Variants in IL1R1 observed in about 807,000 individuals in gnomAD.
IL1R1 encodes interleukin 1 receptor type 1, also known as interleukin-1 receptor type 1.
A neutral mutation model predicts 50.2 loss-of-function variants in IL1R1; 22 were observed. The observed-to-expected ratio is 0.44, with a 90% CI of 0.31 to 0.63. IL1R1 has a LOEUF of 0.63. Among genes scored for constraint, IL1R1 ranks in the 20% least tolerant of loss-of-function variants. The pLI is 0.07. For missense variants in IL1R1, 509 were observed against 676.2 expected (o/e 0.75, Z 2.74); for synonymous variants, 251 against 236.7 (o/e 1.06, Z -0.55).
chr2:102,172,929 A>G lies in IL1R1; in HGVS notation c.991+91A>G, dbSNP rs1685813845. 17 of 848,690 alleles carry G rather than the reference A, an allele frequency of 2.0e-5. No individual in the cohort carries two copies. The South Asian group carries it at 2.9e-4, about 15-fold the overall frequency. The allele number at this position is 848,690 out of a possible 1,614,324, so 52.6% of individuals were successfully genotyped here. A position where few individuals can be genotyped will look rare whatever the true frequency, so the allele number is the denominator to read the frequency against. On this transcript the variant is annotated intron_variant, in intron 9 of 11. Transcript: ENST00000410023. ...TTGAAATGCCATTTCCTCTGCTTAGAACACGCTTCACTTCCTCATTACTTG... is the reference window on the plus strand; with the variant it reads ...TTGAAATGCCATTTCCTCTGCTTAGGACACGCTTCACTTCCTCATTACTTG...
rs777850951 is a variant in IL1R1, at chr2:102,174,676, A to G, written c.1081A>G (p.Ile361Val). 30 of 1,612,432 alleles carry G rather than the reference A, an allele frequency of 1.9e-5. 1 individual carries two copies. Among genetic ancestry groups the G allele is most frequent in the Middle Eastern group, 3.3e-4 (2 of 6,070 alleles). The change falls in exon 10 of 12, where the codon ATT becomes GTT. Residue 361 changes from isoleucine (I) to valine (V), a missense_variant. By Grantham distance (29) the Ile-to-Val change is conservative. Transcript: ENST00000410023. Reference sequence around the variant, plus strand: ...TGTTTTCATCTATAAAATCTTCAAGATTGACATTGTGCTTTGGTACAGGGA... The same window carrying G: ...TGTTTTCATCTATAAAATCTTCAAGGTTGACATTGTGCTTTGGTACAGGGA... ...CSVFIYKIFKIDIVLWYRDSC... is the reference protein window; with the variant it reads ...CSVFIYKIFKVDIVLWYRDSC...
At chr2:102,171,118 G>A (rs1034301892) in intron 7 of IL1R1, among the ~76,000 whole-genome samples, 4 of 152,174 alleles carry the variant, frequency 2.6e-5, no homozygotes, top group Non-Finnish European at 5.9e-5. Flanking sequence ...TAAAAAGGAA[G>A]GCCGATGAGC....
At position 102,171,892 on chromosome 2, in the gene IL1R1, C is replaced by T. The variant is rs753475335; in HGVS notation, c.813C>T (p.Asp271=). 1.2e-6 allele frequency: 2 copies of T among 1,600,158 alleles called. No homozygotes were observed. The highest frequency in any genetic ancestry group is 1.7e-6 in the Non-Finnish European group (2 of 1,168,926). Residue 271 remains aspartate, a synonymous_variant, in exon 8 of 12, where the codon GAC becomes GAT. Coordinates refer to ENST00000410023, the MANE Select transcript of IL1R1 (RefSeq NM_000877.4). ...KWNGSVIDED[D]PVLGEDYYSV... ...ATGGGTCAGTAATTGATGAAGATGA[C>T]CCAGTGCTAGGGGAAGACTATTACA...
chr2:102,156,966 C>T (rs563978387), intron 2 of IL1R1, among the ~76,000 whole-genome samples: 5 of 152,168 alleles, frequency 3.3e-5, no homozygotes, highest in South Asian at 4.2e-4. Flanking sequence ...TTTAATCTCC[C>T]GTAAAAATTA....
chr2:102,092,922 G>A (rs1197873817), intron 1 of IL1R1, among the ~76,000 whole-genome samples: 1 of 152,094 alleles, frequency 6.6e-6, no homozygotes, highest in African/African-American at 2.4e-5. Flanking sequence ...GATGTACTTA[G>A]AGAAGAAAAC....
At chr2:102,161,805 T>G (rs1168566653) in intron 3 of IL1R1, among the ~76,000 whole-genome samples, 4 of 152,180 alleles carry the variant, frequency 2.6e-5, no homozygotes, top group Non-Finnish European at 5.9e-5. Context: ...GTTCAAGTGA[T>G]TCTTGTGCCT....
intron 1 of IL1R1, among the ~76,000 whole-genome samples, chr2:102,145,128 A>G (rs1683006364): frequency 6.6e-6 from 1 of 152,244 alleles, no homozygotes; most frequent in African/African-American, 2.4e-5. Context: ...CTTATGCTAC[A>G]TAATGGATAT....
chr2:102,108,324 G>A (rs1237194279), intron 1 of IL1R1, among the ~76,000 whole-genome samples: 1 of 151,882 alleles, frequency 6.6e-6, no homozygotes, highest in Non-Finnish European at 1.5e-5. Flanking sequence ...AGCAGTGCAT[G>A]GATACATTTT....
At chr2:102,168,731 A>C in intron 7 of IL1R1, 68 bp downstream of exon 7, 2 of 1,109,690 alleles carry the variant, frequency 1.8e-6, no homozygotes, top group Non-Finnish European at 2.7e-6. Context: ...AGTAAGATAA[A>C]TTGTATCTTT....
chr2:102,146,542 T>A (rs1222254031), intron 1 of IL1R1, among the ~76,000 whole-genome samples: 1 of 152,144 alleles, frequency 6.6e-6, no homozygotes, highest in Non-Finnish European at 1.5e-5. Context: ...CAGGTGAGTC[T>A]CAGTGGCCAT....
chr2:102,114,997 G>T (rs1321577555), intron 1 of IL1R1, among the ~76,000 whole-genome samples: 3 of 152,108 alleles, frequency 2.0e-5, no homozygotes, highest in Non-Finnish European at 4.4e-5. Flanking sequence ...ATACAAATAG[G>T]GGAAATGTCT....
In IL1R1 at chr2:102,172,816, A is replaced by G. The variant is rs372480329; in HGVS notation, c.969A>G (p.Ala323=). The G allele has an allele frequency of 3.1e-6, 5 of 1,606,360 alleles. No individual in the cohort carries two copies. The highest frequency in any genetic ancestry group is 4.3e-6 in the Non-Finnish European group (5 of 1,175,956). ...FAKNTHGIDA[A]YIQLIYPVTN... is the part of the protein sequence containing the mutation. ...AGAATACACATGGTATAGATGCAGC[A>G]TATATCCAGTTAATATATCCAGGTA... is the stretch of plus-strand genomic sequence containing the variant. Residue 323 remains alanine, a synonymous_variant, in exon 9 of 12, where the codon GCA becomes GCG. Coordinates refer to ENST00000410023, the MANE Select transcript of IL1R1 (RefSeq NM_000877.4).
chr2:102,124,249 C>T (rs1260167857), intron 1 of IL1R1, among the ~76,000 whole-genome samples: 1 of 152,044 alleles, frequency 6.6e-6, no homozygotes, highest in Non-Finnish European at 1.5e-5. Flanking sequence ...TGGTGAAACT[C>T]CATCTCTACT....
At chr2:102,097,033 A>G (rs1030995398) in intron 1 of IL1R1, among the ~76,000 whole-genome samples, 6 of 152,182 alleles carry the variant, frequency 3.9e-5, no homozygotes, top group Non-Finnish European at 7.3e-5. Context: ...GATAGGAAAT[A>G]TTACAATGAA....
chr2:102,139,404 C>T (rs551332887), upstream of IL1R1, among the ~76,000 whole-genome samples: 31 of 152,330 alleles, frequency 2.0e-4, 1 homozygote, highest in African/African-American at 7.0e-4. Context: ...TTTGCTATGA[C>T]CCTGGTGGTG....
At chr2:102,118,346 C>A (rs940550244) in intron 1 of IL1R1, among the ~76,000 whole-genome samples, 2 of 152,178 alleles carry the variant, frequency 1.3e-5, no homozygotes, top group South Asian at 2.1e-4. Context: ...CCTCGCCCTG[C>A]ATATCTCTTC....
chr2:102,108,518 T>A (rs185065218), intron 1 of IL1R1, among the ~76,000 whole-genome samples: 172 of 152,064 alleles, frequency 1.1e-3, no homozygotes, highest in African/African-American at 3.9e-3. Flanking sequence ...TGCTTTGGGG[T>A]CTGACACCCA....
At position 102,142,835 on chromosome 2, in the gene IL1R1, C is replaced by CGGCCG. The variant is rs1392513556; in HGVS notation, c.-260_-256dup. 1.3e-5 allele frequency: 2 copies of CGGCCG among 148,268 alleles called. No individual in the cohort carries two copies. The highest frequency in any genetic ancestry group is 4.9e-5 in the African/African-American group (2 of 40,952). The allele number at this position is 148,268 out of a possible 1,614,324, so 9.2% of individuals were successfully genotyped here. ...GCGCCGGCCGGGAGGAGCCGGAGAG[C>CGGCCG]GGCCGGGCCGGGCGGTGGGGGCGCC... On this transcript the variant is annotated 5_prime_UTR_variant, in exon 1 of 12. Transcript: ENST00000410023.
intron 1 of IL1R1, among the ~76,000 whole-genome samples, chr2:102,131,597 T>C (rs1183153805): frequency 6.6e-6 from 1 of 151,744 alleles, no homozygotes; most frequent in African/African-American, 2.4e-5. Flanking sequence ...GCAGATTAGA[T>C]ATTGCAGAAG....
Sources: gnomAD v4.1 joint callset for allele counts (sites outside exome capture counted in the v4.1 genomes callset) on GRCh38, gnomAD v4.1.1 for gene constraint, MANE v1.5 for transcripts, NCBI Gene and HGNC (gene_info 2026-07-23, HGNC 2026-07-21) for gene names.